Variants in KHDRBS3 observed in about 807,000 individuals in gnomAD.
KHDRBS3 encodes the protein KH domain-containing, RNA-binding, signal transduction-associated protein 3.
Under a neutral mutation model 45.6 loss-of-function variants are expected in KHDRBS3, and 23 were observed. That is an observed-to-expected ratio of 0.50 (90% CI 0.36 to 0.72). The LOEUF (loss-of-function observed/expected upper bound fraction) is 0.72. KHDRBS3 is among the 30% of genes least tolerant of loss of function. The probability of loss-of-function intolerance (pLI) is 0.00; values close to 1 mark genes in which losing one functional copy is unlikely to be tolerated. For synonymous variants in KHDRBS3, 162 were observed against 156.5 expected (o/e 1.04, Z -0.26); for missense variants, 352 against 424.8 (o/e 0.83, Z 1.51).
intron 1 of KHDRBS3, among the ~76,000 whole-genome samples, chr8:135,518,164 T>G (rs1023504128): frequency 5.3e-5 from 8 of 150,360 alleles, no homozygotes; most frequent in South Asian, 4.2e-4. Context: ...AACTACTTTG[T>G]TTTTTTTTGT....
intron 1 of KHDRBS3, among the ~76,000 whole-genome samples, chr8:135,466,704 G>A (rs1406126485): frequency 6.6e-6 from 1 of 152,208 alleles, no homozygotes; most frequent in African/African-American, 2.4e-5. Flanking sequence ...GAGACTTGAT[G>A]AGTACTAGCT....
At position 135,567,888 on chromosome 8, in the gene KHDRBS3, C is replaced by A. The variant is rs1218463998; in HGVS notation, c.611+10301C>A. On this transcript the variant is annotated intron_variant, in intron 5 of 8. Coordinates refer to ENST00000355849, the MANE Select transcript of KHDRBS3 (RefSeq NM_006558.3). ...GAATTAAAAAATTTCTTTCTTTGCC[C>A]CTGAAGGGTAGCACATAGAAAAGAA... Among the ~76,000 whole-genome samples, 4 of 152,238 alleles carry A rather than the reference C, an allele frequency of 2.6e-5. No homozygotes were observed. The East Asian group carries it at 7.7e-4, about 29-fold the overall frequency.
intron 4 of KHDRBS3, among the ~76,000 whole-genome samples, chr8:135,556,058 C>T: frequency 6.6e-6 from 1 of 152,178 alleles, no homozygotes; most frequent in Non-Finnish European, 1.5e-5. Context: ...CTACAAAGGA[C>T]ATGAACCCAT....
At chr8:135,650,815 C>T (rs1831413996), downstream of KHDRBS3, among the ~76,000 whole-genome samples, 1 of 152,204 alleles carries the variant, frequency 6.6e-6, no homozygotes, top group South Asian at 2.1e-4. Context: ...CCCGCCCCTG[C>T]ACCAGATTCC....
intron 7 of KHDRBS3, among the ~76,000 whole-genome samples, chr8:135,626,730 G>A (rs1830381261): frequency 1.3e-5 from 2 of 150,896 alleles, no homozygotes; most frequent in African/African-American, 2.4e-5. Context: ...CGTGAACCCG[G>A]GAGGCGGAGC....
intron 7 of KHDRBS3, among the ~76,000 whole-genome samples, chr8:135,616,921 GA>G (rs1250497422): frequency 6.6e-6 from 1 of 151,910 alleles, no homozygotes; most frequent in Non-Finnish European, 1.5e-5. Context: ...TGATGGAAGA[GA>G]ATAATAACTT....
chr8:135,647,017 G>A lies in KHDRBS3; in HGVS notation c.974G>A (p.Arg325Lys). Reference protein sequence around the residue: ...SYGQEEWTNSRHKAPSARTAK... With the variant: ...SYGQEEWTNSKHKAPSARTAK... ...GGGCAAGAAGAGTGGACTAACTCAA[G>A]ACACAAGGCACCTTCAGCGAGGACA... Residue 325 changes from arginine to lysine, a missense_variant, in exon 9 of 9, where the codon AGA (arginine) becomes AAA (lysine). Coordinates refer to ENST00000355849, the MANE Select transcript of KHDRBS3 (RefSeq NM_006558.3). 6.2e-7 allele frequency: 1 copy of A among 1,606,818 alleles called. No individual in the cohort carries two copies. The highest frequency in any genetic ancestry group is 1.1e-5 in the South Asian group (1 of 90,926).
At chr8:135,575,006 A>G (rs1215678750) in intron 5 of KHDRBS3, among the ~76,000 whole-genome samples, 1 of 152,166 alleles carries the variant, frequency 6.6e-6, no homozygotes, top group African/African-American at 2.4e-5. Context: ...TGTCAGGTAG[A>G]TGTTAAGCTA....
chr8:135,653,061 G>T (rs551258815), intron 4 of KHDRBS3, among the ~76,000 whole-genome samples: 4 of 152,150 alleles, frequency 2.6e-5, no homozygotes, highest in Admixed American at 1.3e-4. Context: ...CTGCTGGCGG[G>T]ATTTGTGTGT....
rs886444463 is a variant in KHDRBS3 at position 135,549,829 on chromosome 8, G to A, written c.471+929G>A. On this transcript the variant is annotated intron_variant, in intron 4 of 8. Transcript: ENST00000355849. ...AGGAAAACAATTATTATATTTATAG[G>A]GAAAGGATATTTAAATCACTTTTGC... is the stretch of plus-strand genomic sequence containing the variant. 6 of 152,240 alleles carry A rather than the reference G, an allele frequency of 3.9e-5. No homozygotes were observed. The East Asian group carries it at 7.7e-4, about 20-fold the overall frequency. 9.4% of individuals were successfully genotyped at this position (152,240 alleles called of 1,614,324 possible).
chr8:135,511,109 T>C (rs1778638877), intron 1 of KHDRBS3, among the ~76,000 whole-genome samples: 2 of 152,236 alleles, frequency 1.3e-5, no homozygotes, highest in Admixed American at 1.3e-4. Flanking sequence ...ATCTCTCTGC[T>C]ACAGTAATAC....
intron 7 of KHDRBS3, among the ~76,000 whole-genome samples, chr8:135,630,634 T>G (rs952544904): frequency 6.6e-6 from 1 of 152,204 alleles, no homozygotes; most frequent in African/African-American, 2.4e-5. Flanking sequence ...ACACCTAGGC[T>G]AGATGATACA....
rs184552932 is a variant in KHDRBS3, at chr8:135,488,554, G to T, written c.88+30600G>T. Among the ~76,000 whole-genome samples, 713 of 152,294 alleles carry T rather than the reference G, an allele frequency of 4.7e-3. 2 individuals carry two copies. Among genetic ancestry groups the T allele is most frequent in the Non-Finnish European group, 7.2e-3 (489 of 68,028 alleles). On this transcript the variant is annotated intron_variant, in intron 1 of 8. Coordinates refer to ENST00000355849, the MANE Select transcript of KHDRBS3 (RefSeq NM_006558.3). The stretch of plus-strand genomic sequence containing the variant: ...ATTCAGCATCTAGAGATTAGAGAAA[G>T]TTAAGGATAACAATTCTCAGTGGAG...
At chr8:135,585,088 G>A (rs1021411259) in intron 6 of KHDRBS3, among the ~76,000 whole-genome samples, 1 of 151,666 alleles carries the variant, frequency 6.6e-6, no homozygotes, top group Non-Finnish European at 1.5e-5. Context: ...AATTAGCCGG[G>A]TGTAGTGGTG....
chr8:135,616,092 G>C lies in KHDRBS3; in HGVS notation c.890+9055G>C, dbSNP rs80016649. Among the ~76,000 whole-genome samples the C allele has an allele frequency of 2.6e-5, 4 of 152,114 alleles. No homozygotes were observed. The East Asian group carries it at 7.7e-4, about 29-fold the overall frequency. On this transcript the variant is annotated intron_variant, in intron 7 of 8. Coordinates refer to ENST00000355849, the MANE Select transcript of KHDRBS3 (RefSeq NM_006558.3). ...TTTGAAGGAATGAAATATCTATTGC[G>C]TACTTACCAAGTGTGAGTTACTATG...
At chr8:135,551,447 C>T (rs2130807900) in intron 4 of KHDRBS3, among the ~76,000 whole-genome samples, 1 of 152,230 alleles carries the variant, frequency 6.6e-6, no homozygotes, top group Non-Finnish European at 1.5e-5. Context: ...GAGTTTTTAT[C>T]ATGAATAAAT....
chr8:135,651,912 G>C (rs567411841), downstream of KHDRBS3, among the ~76,000 whole-genome samples: 1 of 152,236 alleles, frequency 6.6e-6, no homozygotes, highest in East Asian at 1.9e-4. Context: ...AGATAGTCTA[G>C]CTCCCTTGTT....
intron 7 of KHDRBS3, among the ~76,000 whole-genome samples, chr8:135,632,388 G>A (rs1188160726): frequency 6.6e-6 from 1 of 151,902 alleles, no homozygotes; most frequent in African/African-American, 2.4e-5. Context: ...CTGGAGTCAA[G>A]GGGGCTCACT....
At chr8:135,627,430 C>G (rs895398425) in intron 7 of KHDRBS3, among the ~76,000 whole-genome samples, 1 of 152,208 alleles carries the variant, frequency 6.6e-6, no homozygotes, top group Admixed American at 6.5e-5. Context: ...ATCTCATTGT[C>G]TACTTCATCT....
Sources: gnomAD v4.1 joint callset for allele counts (sites outside exome capture counted in the v4.1 genomes callset) on GRCh38, gnomAD v4.1.1 for gene constraint, MANE v1.5 for transcripts, NCBI Gene and HGNC (gene_info 2026-07-23, HGNC 2026-07-21) for gene names.